LMNTD1: variants seen among roughly 807,000 people sequenced by gnomAD.
LMNTD1 encodes the protein lamin tail domain-containing protein 1.
Under a neutral mutation model 50.9 loss-of-function variants are expected in LMNTD1, and 35 were observed. The observed-to-expected ratio is 0.69, with a 90% confidence interval of 0.53 to 0.91. LMNTD1 has a LOEUF of 0.91. LMNTD1 is among the 40% of genes least tolerant of loss of function. The pLI is 0.00. For synonymous variants in LMNTD1, 153 were observed against 161.9 expected, an observed-to-expected ratio of 0.94 and a Z score of 0.42; for missense variants, 470 against 475.5, an observed-to-expected ratio of 0.99 and a Z score of 0.11.
intron 9 of LMNTD1, chr12:25,502,859 A>G (rs948906555): frequency 6.6e-6 from 1 of 152,264 alleles, no homozygotes; most frequent in Admixed American, 6.5e-5. Flanking sequence ...ACAGCTGAGC[A>G]ATCAGACAGA....
chr12:25,552,212 A>G (rs1397857173), intron 2 of LMNTD1, among the ~76,000 whole-genome samples: 1 of 152,214 alleles, frequency 6.6e-6, no homozygotes, highest in Non-Finnish European at 1.5e-5. Flanking sequence ...AATTTTATAT[A>G]ACATTCTTAC....
chr12:25,536,115 T>A (rs780400929), intron 4 of LMNTD1, among the ~76,000 whole-genome samples: 1 of 152,010 alleles, frequency 6.6e-6, no homozygotes, highest in Non-Finnish European at 1.5e-5. Context: ...AAGGGAGAAA[T>A]CAACAAATCC....
chr12:25,572,651 T>G (rs1944843398), intron 1 of LMNTD1, among the ~76,000 whole-genome samples: 1 of 152,066 alleles, frequency 6.6e-6, no homozygotes, highest in Admixed American at 6.5e-5. Flanking sequence ...TGACATGAAG[T>G]AGAGGCAGTA....
chr12:25,627,167 T>G (rs1041492391), intron 1 of LMNTD1, among the ~76,000 whole-genome samples: 13 of 152,232 alleles, frequency 8.5e-5, no homozygotes, highest in African/African-American at 3.1e-4. Flanking sequence ...TCTAGCCCTT[T>G]CAAGGGCCAG....
intron 1 of LMNTD1, among the ~76,000 whole-genome samples, chr12:25,614,037 G>A (rs1946300187): frequency 6.6e-6 from 1 of 151,784 alleles, no homozygotes. Flanking sequence ...CAAAATGAAG[G>A]AGAATGATTA....
At chr12:25,559,792 G>C (rs1230607750) in intron 1 of LMNTD1, among the ~76,000 whole-genome samples, 1 of 152,136 alleles carries the variant, frequency 6.6e-6, no homozygotes, top group Non-Finnish European at 1.5e-5. Flanking sequence ...TTCTCTGATG[G>C]CCAGTGATGA....
At chr12:25,645,935 T>A (rs1377124755) in intron 1 of LMNTD1, among the ~76,000 whole-genome samples, 3 of 152,070 alleles carry the variant, frequency 2.0e-5, no homozygotes, top group Non-Finnish European at 4.4e-5. Context: ...TTGGGAAGCT[T>A]GTAGGTGTTG....
At chr12:25,522,437 T>G (rs961663114) in intron 6 of LMNTD1, among the ~76,000 whole-genome samples, 1 of 152,202 alleles carries the variant, frequency 6.6e-6, no homozygotes, top group African/African-American at 2.4e-5. Context: ...GTCGGCCACA[T>G]GAAACTTACA....
chr12:25,570,108 C>T (rs1944725149), intron 1 of LMNTD1, among the ~76,000 whole-genome samples: 1 of 152,144 alleles, frequency 6.6e-6, no homozygotes, highest in Non-Finnish European at 1.5e-5. Flanking sequence ...TTATATTATA[C>T]CATTCCCTGC....
At chr12:25,620,812 A>G (rs1486427433) in intron 1 of LMNTD1, among the ~76,000 whole-genome samples, 1 of 152,130 alleles carries the variant, frequency 6.6e-6, no homozygotes, top group Non-Finnish European at 1.5e-5. Flanking sequence ...TGCTCTATTA[A>G]TGTCAATATC....
intron 1 of LMNTD1, among the ~76,000 whole-genome samples, chr12:25,632,231 G>A (rs775228653): frequency 2.6e-5 from 4 of 152,162 alleles, no homozygotes; most frequent in Non-Finnish European, 5.9e-5. Context: ...ACATATTTGG[G>A]GGAATAATCA....
At chr12:25,596,342 C>T (rs543523283) in intron 1 of LMNTD1, among the ~76,000 whole-genome samples, 2 of 152,066 alleles carry the variant, frequency 1.3e-5, no homozygotes, top group Non-Finnish European at 2.9e-5. Flanking sequence ...ACTAGCTAAC[C>T]AAATCCAACA....
chr12:25,607,574 C>T (rs2136526594), intron 1 of LMNTD1, among the ~76,000 whole-genome samples: 1 of 152,232 alleles, frequency 6.6e-6, no homozygotes, highest in African/African-American at 2.4e-5. Context: ...TTTATTTCTG[C>T]CTTCATTTCT....
chr12:25,515,542 A>G (rs1940691932), intron 8 of LMNTD1, among the ~76,000 whole-genome samples: 3 of 152,150 alleles, frequency 2.0e-5, no homozygotes, highest in Non-Finnish European at 4.4e-5. Flanking sequence ...AAATACAATT[A>G]AAGGGAACTT....
chr12:25,544,042 T>C (rs1943270028), intron 4 of LMNTD1, among the ~76,000 whole-genome samples: 1 of 151,992 alleles, frequency 6.6e-6, no homozygotes. Context: ...AAAGAATGTA[T>C]ATTCTGCAGC....
At chr12:25,599,574 A>G (rs868738015) in intron 1 of LMNTD1, among the ~76,000 whole-genome samples, 2 of 152,054 alleles carry the variant, frequency 1.3e-5, no homozygotes, top group African/African-American at 4.8e-5. Context: ...CCAAAAAACT[A>G]TTAGAACTGC....
intron 1 of LMNTD1, chr12:25,592,478 G>C (rs1945728883): frequency 6.6e-6 from 1 of 152,240 alleles, no homozygotes. Context: ...GATTATGGCA[G>C]AAAATTCTGA....
chr12:25,598,046 C>T (rs1289687333), intron 1 of LMNTD1, among the ~76,000 whole-genome samples: 1 of 152,000 alleles, frequency 6.6e-6, no homozygotes, highest in Non-Finnish European at 1.5e-5. Context: ...GGGAGTTCCC[C>T]TGCACATGCT....
intron 2 of LMNTD1, among the ~76,000 whole-genome samples, chr12:25,550,789 G>A (rs1030233543): frequency 2.0e-5 from 3 of 152,132 alleles, no homozygotes; most frequent in African/African-American, 4.8e-5. Context: ...CTTATACCTG[G>A]AGAGTTTTGT....
Sources: gnomAD v4.1 joint callset for allele counts (sites outside exome capture counted in the v4.1 genomes callset) on GRCh38, gnomAD v4.1.1 for gene constraint, MANE v1.5 for transcripts, NCBI Gene and HGNC (gene_info 2026-07-23, HGNC 2026-07-21) for gene names.